Variants in MNAT1 observed in about 807,000 individuals in gnomAD.
The protein encoded by MNAT1 is CDK-activating kinase assembly factor MAT1.
MNAT1 carries 43 observed loss-of-function variants against 42.0 expected under a neutral mutation model. That is an observed-to-expected ratio of 1.02 (90% confidence interval 0.80 to 1.32). MNAT1 has a LOEUF of 1.32. Ranked by LOEUF, MNAT1 falls within the 40% of genes most tolerant of loss-of-function variation. The pLI, the probability that MNAT1 is intolerant of heterozygous loss-of-function variation, is 0.00. For synonymous variants in MNAT1, 118 were observed against 120.0 expected (o/e 0.98, Z 0.11); for missense variants, 306 against 350.4 (o/e 0.87, Z 1.01).
rs575494478 is a variant in MNAT1 at position 60,835,958 on chromosome 14, C to A, written c.687+17111C>A. Among the ~76,000 whole-genome samples, 3 of 152,148 alleles carry A rather than the reference C, an allele frequency of 2.0e-5. No individual in the cohort carries two copies. The East Asian group carries it at 5.8e-4, about 29-fold the overall frequency. ...TTTTCATTATTTTTTTCTCTAATCT[C>A]GTCTTCACACTTTGTTTCATTAAAT... On this transcript the variant is annotated intron_variant, in intron 6 of 7. Transcript: ENST00000261245.
chr14:60,783,000 T>C (rs1333499816), intron 1 of MNAT1, among the ~76,000 whole-genome samples: 1 of 152,256 alleles, frequency 6.6e-6, no homozygotes, highest in Non-Finnish European at 1.5e-5. Context: ...TATGGCTTTA[T>C]ATTTCATACT....
intron 7 of MNAT1, among the ~76,000 whole-genome samples, chr14:60,891,844 T>G (rs1270466289): frequency 2.0e-5 from 3 of 152,212 alleles, no homozygotes; most frequent in African/African-American, 7.2e-5. Context: ...TGGTATGGCT[T>G]GTTCTTGTTT....
intron 6 of MNAT1, among the ~76,000 whole-genome samples, chr14:60,832,233 T>C (rs1025431272): frequency 8.5e-5 from 13 of 152,262 alleles, no homozygotes; most frequent in South Asian, 2.1e-4. Flanking sequence ...TTTGGTGTTT[T>C]AGTCATGAAG....
intron 1 of MNAT1, among the ~76,000 whole-genome samples, chr14:60,786,923 T>C (rs2031670035): frequency 6.6e-6 from 1 of 152,214 alleles, no homozygotes; most frequent in African/African-American, 2.4e-5. Flanking sequence ...CTTTGAATCA[T>C]GGTGGAAGTA....
At chr14:60,910,540 T>G (rs2035325716) in intron 7 of MNAT1, among the ~76,000 whole-genome samples, 1 of 152,240 alleles carries the variant, frequency 6.6e-6, no homozygotes, top group African/African-American at 2.4e-5. Context: ...CATGAAGCAT[T>G]GTCGAATTTT....
At chr14:60,911,807 G>T (rs2035370359) in intron 7 of MNAT1, among the ~76,000 whole-genome samples, 1 of 152,038 alleles carries the variant, frequency 6.6e-6, no homozygotes, top group South Asian at 2.1e-4. Flanking sequence ...GGTGATTTGG[G>T]GTGGAGAGTT....
At chr14:60,751,916 A>G (rs1032101439) in intron 1 of MNAT1, among the ~76,000 whole-genome samples, 1 of 152,170 alleles carries the variant, frequency 6.6e-6, no homozygotes, top group African/African-American at 2.4e-5. Context: ...ATTTATATAT[A>G]TTTAATGAAC....
At chr14:60,842,406 T>G (rs1424751876) in intron 6 of MNAT1, among the ~76,000 whole-genome samples, 1 of 152,186 alleles carries the variant, frequency 6.6e-6, no homozygotes, top group Admixed American at 6.5e-5. Flanking sequence ...TACTTCTCTA[T>G]GTATTATAGC....
At chr14:60,797,975 G>A in intron 2 of MNAT1, 112 bp from the exon 3 acceptor site, 1 of 565,662 alleles carries the variant, frequency 1.8e-6, no homozygotes, top group South Asian at 2.2e-5. Flanking sequence ...TACACAGTAA[G>A]CAATTCTTTT....
At chr14:60,841,138 TCTCTCTCC>T (rs1332767007) in intron 6 of MNAT1, among the ~76,000 whole-genome samples, 2 of 151,420 alleles carry the variant, frequency 1.3e-5, no homozygotes, top group Admixed American at 1.3e-4. Context: ...TCTCTCTTTC[TCTCTCTCC>T]CTCTCTCCCT....
At chr14:60,823,458 T>C (rs1245729380) in intron 6 of MNAT1, among the ~76,000 whole-genome samples, 3 of 152,234 alleles carry the variant, frequency 2.0e-5, no homozygotes, top group African/African-American at 7.2e-5. Flanking sequence ...TTTCTATCTT[T>C]ACATTGCCTT....
chr14:60,830,430 A>G (rs1181655885), intron 6 of MNAT1, among the ~76,000 whole-genome samples: 1 of 152,162 alleles, frequency 6.6e-6, no homozygotes, highest in Non-Finnish European at 1.5e-5. Context: ...AAAATTTAGT[A>G]TTTGTAAATG....
rs2034509809 is a variant in MNAT1, at chr14:60,879,763, A to G, written c.737A>G (p.Tyr246Cys). The G allele has an allele frequency of 3.7e-6, 6 of 1,613,212 alleles. No individual in the cohort carries two copies. Among genetic ancestry groups the G allele is most frequent in the Non-Finnish European group, 5.1e-6 (6 of 1,179,464 alleles). Residue 246 changes from tyrosine to cysteine, a missense_variant, in exon 7 of 8, where the codon TAT becomes TGT. Transcript: ENST00000261245. ...APIHKLEEAL[Y>C]EYQPLQIETY... ...ATTCACAAGCTTGAAGAAGCTCTGT[A>G]TGAATACCAGCCACTGCAGATAGAG...
intron 6 of MNAT1, among the ~76,000 whole-genome samples, chr14:60,841,757 C>A (rs1483040709): frequency 1.3e-5 from 2 of 152,134 alleles, no homozygotes; most frequent in African/African-American, 4.8e-5. Context: ...TCTATTATAT[C>A]CTTGCAAATC....
intron 6 of MNAT1, among the ~76,000 whole-genome samples, chr14:60,865,936 C>T (rs1253331662): frequency 6.6e-6 from 1 of 152,036 alleles, no homozygotes; most frequent in East Asian, 1.9e-4. Context: ...CTCTTTCTTC[C>T]CCTCCATTTC....
At chr14:60,857,654 C>T (rs901492218) in intron 6 of MNAT1, among the ~76,000 whole-genome samples, 8 of 151,988 alleles carry the variant, frequency 5.3e-5, no homozygotes, top group African/African-American at 1.9e-4. Context: ...ATACATGTGC[C>T]ATGTTGGTTT....
intron 7 of MNAT1, among the ~76,000 whole-genome samples, chr14:60,955,853 A>T (rs2036478737): frequency 6.6e-6 from 1 of 151,648 alleles, no homozygotes; most frequent in African/African-American, 2.4e-5. Context: ...CTCAATTGTA[A>T]TATCTCCTCC....
intron 4 of MNAT1, chr14:60,808,913 G>A (rs1467900500): frequency 6.6e-6 from 1 of 152,102 alleles, no homozygotes; most frequent in Non-Finnish European, 1.5e-5. Flanking sequence ...GTAAACTAAG[G>A]TTAACTTTGG....
intron 6 of MNAT1, among the ~76,000 whole-genome samples, chr14:60,858,941 G>A (rs1445915745): frequency 6.6e-6 from 1 of 152,198 alleles, no homozygotes; most frequent in East Asian, 1.9e-4. Flanking sequence ...AAAAATGTGT[G>A]TGACTCACTT....
Sources: allele counts gnomAD v4.1 joint callset (sites outside exome capture counted in the v4.1 genomes callset), GRCh38; gene constraint gnomAD v4.1.1; transcripts MANE v1.5; gene names NCBI Gene and HGNC (gene_info 2026-07-23, HGNC 2026-07-21).